Variants in GREB1L observed in about 807,000 individuals in gnomAD.
GREB1L encodes GREB1 like retinoic acid receptor coactivator.
Under a neutral mutation model 200.8 loss-of-function variants are expected in GREB1L, and 17 were observed. The ratio of observed to expected loss-of-function variants is 0.08; its 90% CI spans 0.06 to 0.13. The LOEUF (loss-of-function observed/expected upper bound fraction) is 0.13. Ranked by LOEUF, GREB1L falls within the 10% of genes least tolerant of loss-of-function variation. GREB1L has a pLI of 1.00. For synonymous variants in GREB1L, 789 were observed against 893.0 expected, an observed-to-expected ratio of 0.88 and a Z score of 2.08; for missense variants, 1,657 against 2,367.7, an observed-to-expected ratio of 0.70 and a Z score of 6.23.
At chr18:21,375,359 G>A (rs1405877043) in intron 2 of GREB1L, among the ~76,000 whole-genome samples, 1 of 151,998 alleles carries the variant, frequency 6.6e-6, no homozygotes, top group African/African-American at 2.4e-5. Flanking sequence ...ACCGCACCTG[G>A]CCCTGATGTG....
intron 1 of GREB1L, among the ~76,000 whole-genome samples, chr18:21,278,295 G>A (rs1456047854): frequency 5.3e-5 from 8 of 150,776 alleles, no homozygotes; most frequent in Non-Finnish European, 8.8e-5. Context: ...CAGGAGAATC[G>A]CTTGAACCTG....
chr18:21,375,970 C>T (rs1312785737), intron 2 of GREB1L, among the ~76,000 whole-genome samples: 1 of 152,132 alleles, frequency 6.6e-6, no homozygotes, highest in African/African-American at 2.4e-5. Context: ...TAATGCCTGC[C>T]ATTGTAACAT....
chr18:21,346,242 C>G (rs188105115), intron 1 of GREB1L, among the ~76,000 whole-genome samples: 45 of 152,222 alleles, frequency 3.0e-4, no homozygotes, highest in Non-Finnish European at 5.4e-4. Context: ...GTAACCCTCC[C>G]ATAACTGCAC....
intron 7 of GREB1L, among the ~76,000 whole-genome samples, chr18:21,424,518 A>G (rs534567290): frequency 1.3e-5 from 2 of 152,132 alleles, no homozygotes; most frequent in Non-Finnish European, 2.9e-5. Context: ...ACAGTGAGCC[A>G]AGATTGTGCC....
chr18:21,268,334 G>C (rs2038005448), intron 1 of GREB1L, among the ~76,000 whole-genome samples: 2 of 151,432 alleles, frequency 1.3e-5, no homozygotes, highest in African/African-American at 4.9e-5. Flanking sequence ...GAATCAAGCT[G>C]AATTTTATTA....
At chr18:21,311,547 G>A (rs762998877) in intron 1 of GREB1L, among the ~76,000 whole-genome samples, 20 of 152,176 alleles carry the variant, frequency 1.3e-4, no homozygotes, top group Non-Finnish European at 2.4e-4. Flanking sequence ...TGCCCTAAGC[G>A]GCACCCGTCC....
In GREB1L at chr18:21,285,864, G is replaced by A. The variant is rs181683942; in HGVS notation, c.-120+43471G>A. ...GGTGACTATACTTGCTTGTGGGGTA[G>A]AGGTGGTTCTCTACAGCTTAGCATG... On this transcript the variant is annotated intron_variant, in intron 1 of 32. Coordinates refer to ENST00000424526, the MANE Select transcript of GREB1L (RefSeq NM_001142966.3). 7.2e-5 allele frequency among the ~76,000 whole-genome samples: 11 copies of A among 152,118 alleles called. No individual in the cohort carries two copies. In the Middle Eastern group the frequency reaches 0.014, roughly 188 times the overall value.
chr18:21,317,495 C>T (rs1307736299), intron 1 of GREB1L: 1 of 151,112 alleles, frequency 6.6e-6, no homozygotes, highest in African/African-American at 2.4e-5. Context: ...CCCAGCTACT[C>T]AGGAGGCTCA....
At chr18:21,348,886 A>C (rs1284575708) in intron 1 of GREB1L, among the ~76,000 whole-genome samples, 2 of 152,206 alleles carry the variant, frequency 1.3e-5, no homozygotes, top group Admixed American at 6.5e-5. Flanking sequence ...TGGAAGTGGC[A>C]GTGAGCCATG....
chr18:21,505,556 G>A lies in GREB1L; in HGVS notation c.4217G>A (p.Gly1406Glu). Residue 1406 changes from glycine to glutamate, a missense_variant, in exon 24 of 33, where the codon GGG (glycine) becomes GAG (glutamate). Around this residue, in one of 9 missense-constraint regions of GREB1L, gnomAD observed 512 missense variants for 668.3 expected, o/e 0.77. Coordinates refer to ENST00000424526, the MANE Select transcript of GREB1L (RefSeq NM_001142966.3). ...MSLVYTEKLAGVKQEVIKESK... is the reference protein window; with the variant it reads ...MSLVYTEKLAEVKQEVIKESK... ...CTGGTGTATACTGAGAAGCTGGCAGGGGTCAAACAAGGTCAGTGCAATCAG... is the reference window on the plus strand; with the variant it reads ...CTGGTGTATACTGAGAAGCTGGCAGAGGTCAAACAAGGTCAGTGCAATCAG... 1 of 1,551,746 alleles carries A rather than the reference G, an allele frequency of 6.4e-7. No individual in the cohort carries two copies. Among genetic ancestry groups the A allele is most frequent in the South Asian group, 1.2e-5 (1 of 84,056 alleles).
At chr18:21,365,133 C>T (rs115650610) in intron 1 of GREB1L, among the ~76,000 whole-genome samples, 10,327 of 151,282 alleles carry the variant, frequency 0.068, 541 homozygotes, top group Admixed American at 0.14. Flanking sequence ...TCTTTCAAGT[C>T]GGCATAAGAG....
chr18:21,279,966 T>C (rs1477079543), intron 1 of GREB1L, among the ~76,000 whole-genome samples: 1 of 152,214 alleles, frequency 6.6e-6, no homozygotes, highest in African/African-American at 2.4e-5. Flanking sequence ...CCTCTGCCAG[T>C]TTCCTCTATT....
chr18:21,248,536 TCACA>T (rs1351284927), intron 1 of GREB1L, among the ~76,000 whole-genome samples: 10 of 152,216 alleles, frequency 6.6e-5, no homozygotes, highest in Non-Finnish European at 1.3e-4. Context: ...TATATTAAAA[TCACA>T]CAGACACTTT....
chr18:21,500,645 G>A lies in GREB1L; in HGVS notation c.4072+3G>A, dbSNP rs1393319729. The A allele has an allele frequency of 4.5e-6, 7 of 1,539,618 alleles. No homozygotes were observed. Among genetic ancestry groups the A allele is most frequent in the South Asian group, 2.4e-5 (2 of 82,876 alleles). ...TGATGAGGAGGAGATCAACACCGGTGAGTGCTGAGCCCAGGGAGTGGGCAG... is the reference window on the plus strand; with the variant it reads ...TGATGAGGAGGAGATCAACACCGGTAAGTGCTGAGCCCAGGGAGTGGGCAG... On this transcript the variant is annotated splice_donor_region_variant and intron_variant, in intron 23 of 32. Transcript: ENST00000424526.
At chr18:21,305,509 T>A (rs1408799714) in intron 1 of GREB1L, among the ~76,000 whole-genome samples, 1 of 152,158 alleles carries the variant, frequency 6.6e-6, no homozygotes, top group Non-Finnish European at 1.5e-5. Context: ...TAAGCCTATC[T>A]CCAGAATGGG....
intron 7 of GREB1L, among the ~76,000 whole-genome samples, chr18:21,435,915 G>A (rs1340143713): frequency 1.3e-5 from 2 of 152,186 alleles, no homozygotes; most frequent in South Asian, 4.1e-4. Flanking sequence ...GGTCATTTCA[G>A]TCGTCTCGGT....
intron 1 of GREB1L, among the ~76,000 whole-genome samples, 188 bp downstream of exon 1, chr18:21,242,581 GC>G (rs1205178028): frequency 6.6e-6 from 1 of 152,142 alleles, no homozygotes. Flanking sequence ...CGGAGCGCGT[GC>G]GGGTGGCGAG....
chr18:21,325,568 G>A (rs373693142), intron 1 of GREB1L, among the ~76,000 whole-genome samples: 5 of 151,894 alleles, frequency 3.3e-5, no homozygotes, highest in African/African-American at 1.2e-4. Flanking sequence ...TAATCCCAGC[G>A]CTGTGGGAGG....
At chr18:21,453,150 C>T (rs2034604556) in intron 14 of GREB1L, among the ~76,000 whole-genome samples, 1 of 152,126 alleles carries the variant, frequency 6.6e-6, no homozygotes, top group Non-Finnish European at 1.5e-5. Flanking sequence ...ATTCTTGGTT[C>T]CCTGTTTAAA....
Sources: allele counts gnomAD v4.1 joint callset (sites outside exome capture counted in the v4.1 genomes callset), GRCh38; gene constraint gnomAD v4.1.1; regional missense constraint gnomAD v4.1.1; transcripts MANE v1.5; gene names NCBI Gene and HGNC (gene_info 2026-07-23, HGNC 2026-07-21).